ABCB11: variants seen among roughly 807,000 people sequenced by gnomAD.
ABCB11 encodes the protein ATP binding cassette subfamily B member 11, also known as bile salt export pump.
A neutral mutation model predicts 148.0 loss-of-function variants in ABCB11; 95 were observed. The ratio of observed to expected loss-of-function variants is 0.64; its 90% CI spans 0.54 to 0.76. The LOEUF (loss-of-function observed/expected upper bound fraction) is 0.76. ABCB11 is among the 30% of genes least tolerant of loss of function. The pLI is 0.00. For missense variants in ABCB11, 1,523 were observed against 1,617.8 expected (o/e 0.94, Z 1.01); for synonymous variants, 591 against 555.4 (o/e 1.06, Z -0.90).
intron 23 of ABCB11, among the ~76,000 whole-genome samples, chr2:168,934,534 C>G (rs1691730410): frequency 6.6e-6 from 1 of 152,172 alleles, no homozygotes; most frequent in Non-Finnish European, 1.5e-5. Flanking sequence ...AATGGAACAT[C>G]CTTCACCTGT....
intron 11 of ABCB11, among the ~76,000 whole-genome samples, chr2:168,976,939 A>G (rs1340640705): frequency 2.7e-5 from 4 of 150,596 alleles, no homozygotes; most frequent in Non-Finnish European, 4.4e-5. Context: ...AAAGATGTGT[A>G]CTCATTAAAC....
intron 5 of ABCB11, among the ~76,000 whole-genome samples, chr2:169,005,262 G>C (rs992472611): frequency 1.3e-5 from 2 of 152,024 alleles, no homozygotes; most frequent in African/African-American, 2.4e-5. Context: ...GAGTTCCCAA[G>C]AGAATTGGGC....
intron 1 of ABCB11, among the ~76,000 whole-genome samples, 170 bp downstream of exon 1, chr2:169,031,055 C>T (rs1695852430): frequency 6.6e-6 from 1 of 152,160 alleles, no homozygotes; most frequent in African/African-American, 2.4e-5. Context: ...GTATTGTATA[C>T]AATGTTGTGA....
rs1001470159 is a variant in ABCB11 at position 168,993,787 on chromosome 2, A to G, written c.707T>C (p.Phe236Ser). The G allele has an allele frequency of 5.6e-6, 9 of 1,611,180 alleles. No homozygotes were observed. In the Admixed American group the frequency reaches 1.0e-4, roughly 18 times the overall value. ...STICGFLLGF[F>S]RGWKLTLVII... ...AACCAAGGTCAGTTTCCAACCCCTG[A>G]AAAATCCCAACAGGAAACCACAGAT... The change falls in exon 8 of 28, where the codon TTC becomes TCC. Residue 236 changes from phenylalanine (F) to serine (S), a missense_variant. By Grantham distance (155) the Phe-to-Ser change is radical. Transcript: ENST00000650372.
At chr2:168,977,803 C>T (rs1693975861) in intron 11 of ABCB11, among the ~76,000 whole-genome samples, 1 of 152,110 alleles carries the variant, frequency 6.6e-6, no homozygotes, top group Non-Finnish European at 1.5e-5. Flanking sequence ...TTAAAACCGT[C>T]AGATCTCATG....
chr2:169,011,815 C>T (rs1695196836), intron 5 of ABCB11, among the ~76,000 whole-genome samples: 1 of 152,114 alleles, frequency 6.6e-6, no homozygotes, highest in Admixed American at 6.6e-5. Context: ...GGGCACACCA[C>T]AAAGCCAAGC....
intron 5 of ABCB11, 106 bp downstream of exon 5, chr2:169,013,166 G>A (rs1197532451): frequency 1.3e-6 from 1 of 793,242 alleles, no homozygotes; most frequent in Admixed American, 2.5e-5. Flanking sequence ...TTCTCTTTGT[G>A]TTAGATACCA....
chr2:169,001,680 C>A (rs147193696), intron 5 of ABCB11, among the ~76,000 whole-genome samples: 2 of 152,254 alleles, frequency 1.3e-5, no homozygotes, highest in East Asian at 3.9e-4. Flanking sequence ...TAGAGTAGAG[C>A]AATTATTGCT....
chr2:168,976,313 C>T (rs1424408269), intron 12 of ABCB11, among the ~76,000 whole-genome samples: 1 of 152,126 alleles, frequency 6.6e-6, no homozygotes, highest in Non-Finnish European at 1.5e-5. Context: ...CTCATTTCAA[C>T]AGAGCGTCAT....
intron 12 of ABCB11, among the ~76,000 whole-genome samples, chr2:168,975,102 T>C (rs536670979): frequency 2.3e-5 from 2 of 87,222 alleles, no homozygotes; most frequent in South Asian, 7.2e-4. Context: ...TAAATATTTA[T>C]AGATAAATGT....
At chr2:168,919,442 G>A (rs532023406), downstream of ABCB11, among the ~76,000 whole-genome samples, 1 of 151,988 alleles carries the variant, frequency 6.6e-6, no homozygotes, top group Admixed American at 6.6e-5. Flanking sequence ...TTTTCTGGGG[G>A]ACATTCCTCT....
At chr2:169,000,956 T>C (rs75953420) in intron 5 of ABCB11, among the ~76,000 whole-genome samples, 3,423 of 152,224 alleles carry the variant, frequency 0.022, 123 homozygotes, top group African/African-American at 0.077. Flanking sequence ...CAATTTTGAT[T>C]TATCTATAGC....
intron 4 of ABCB11, among the ~76,000 whole-genome samples, 174 bp from the exon 5 acceptor site, chr2:169,013,684 G>A (rs758723007): frequency 3.9e-5 from 6 of 151,940 alleles, no homozygotes; most frequent in Non-Finnish European, 5.9e-5. Flanking sequence ...TAAACGGCAC[G>A]GTACATCAAT....
chr2:168,917,129 T>C (rs1331186707), downstream of ABCB11, among the ~76,000 whole-genome samples: 1 of 152,162 alleles, frequency 6.6e-6, no homozygotes, highest in African/African-American at 2.4e-5. Flanking sequence ...CAAAGAATCT[T>C]TTCATTGAAA....
intron 22 of ABCB11, 125 bp from the exon 23 acceptor site, chr2:168,935,550 T>C (rs1189682450): frequency 7.8e-6 from 10 of 1,278,742 alleles, no homozygotes; most frequent in African/African-American, 1.5e-5. Context: ...GAATGCATCA[T>C]CTGGGAATAC....
intron 11 of ABCB11, among the ~76,000 whole-genome samples, chr2:168,979,350 T>C (rs1206300125): frequency 4.6e-5 from 7 of 152,126 alleles, no homozygotes; most frequent in Admixed American, 1.3e-4. Context: ...TCCACTCAAA[T>C]GCTACCTCCT....
At chr2:169,022,442 T>C (rs73024750) in intron 1 of ABCB11, among the ~76,000 whole-genome samples, 3,460 of 152,018 alleles carry the variant, frequency 0.023, 64 homozygotes, top group African/African-American at 0.041. Context: ...TGGTAGTAAA[T>C]TTGAAAACCA....
At position 168,935,367 on chromosome 2, in the gene ABCB11, C is replaced by A. The variant is rs761363245; in HGVS notation, c.2873G>T (p.Arg958Leu). 6.2e-7 allele frequency: 1 copy of A among 1,613,846 alleles called. No individual in the cohort carries two copies. ...RTVAGIGKER[R>L]FIEALETELE... ...CTCAGTCTCAAGTGCTTCAATGAACCGCCTCTCCTTTCCAATTCCAGCAAC... is the reference window on the plus strand; with the variant it reads ...CTCAGTCTCAAGTGCTTCAATGAACAGCCTCTCCTTTCCAATTCCAGCAAC... The change falls in exon 23 of 28, where the codon CGG (arginine) becomes CTG (leucine). Residue 958 changes from arginine to leucine, a missense_variant. Transcript: ENST00000650372.
intron 1 of ABCB11, among the ~76,000 whole-genome samples, chr2:169,019,500 C>T (rs1695475471): frequency 6.6e-6 from 1 of 152,062 alleles, no homozygotes; most frequent in African/African-American, 2.4e-5. Context: ...TACCAAAATC[C>T]AGGTATACAC....
Sources: gnomAD v4.1 joint callset for allele counts (sites outside exome capture counted in the v4.1 genomes callset) on GRCh38, gnomAD v4.1.1 for gene constraint, MANE v1.5 for transcripts, NCBI Gene and HGNC (gene_info 2026-07-23, HGNC 2026-07-21) for gene names.